AHCYL2: variants seen among roughly 807,000 people sequenced by gnomAD.
AHCYL2 encodes adenosylhomocysteinase like 2, also known as S-adenosylhomocysteine hydrolase-like protein 2.
AHCYL2 carries 28 observed loss-of-function variants against 81.4 expected under a neutral mutation model. The ratio of observed to expected loss-of-function variants is 0.34; its 90% CI spans 0.25 to 0.47. The LOEUF is 0.47. AHCYL2 is among the 20% of genes least tolerant of loss of function. The probability of loss-of-function intolerance (pLI) is 1.00; values close to 1 mark genes in which losing one functional copy is unlikely to be tolerated. For synonymous variants in AHCYL2, 272 were observed against 290.2 expected (o/e 0.94, Z 0.64); for missense variants, 551 against 785.1 (o/e 0.70, Z 3.56).
At chr7:129,412,591 A>T (rs1395013401) in intron 11 of AHCYL2, among the ~76,000 whole-genome samples, 2 of 152,100 alleles carry the variant, frequency 1.3e-5, no homozygotes, top group South Asian at 2.1e-4. Context: ...GGAATTGCCA[A>T]ACTTTTTAAA....
intron 1 of AHCYL2, among the ~76,000 whole-genome samples, chr7:129,327,872 C>G (rs13236035): frequency 6.6e-6 from 1 of 152,160 alleles, no homozygotes; most frequent in Non-Finnish European, 1.5e-5. Flanking sequence ...TTACTCACTG[C>G]AGCCTCAAAC....
At chr7:129,345,811 G>A (rs1287416448) in intron 1 of AHCYL2, among the ~76,000 whole-genome samples, 2 of 152,176 alleles carry the variant, frequency 1.3e-5, no homozygotes, top group East Asian at 3.9e-4. Context: ...TGATCTCAGA[G>A]TGACTTCCAG....
chr7:129,397,202 C>T lies in AHCYL2; in HGVS notation c.721-20C>T. On this transcript the variant is annotated intron_variant, in intron 4 of 16. Transcript: ENST00000325006. ...TGTTTGGCCCAGGCTTGCTCATACC[C>T]TGCTTTGTCTTTAATACAGGTGCTT... 1 of 1,608,008 alleles carries T rather than the reference C, an allele frequency of 6.2e-7. No individual in the cohort carries two copies.
intron 1 of AHCYL2, among the ~76,000 whole-genome samples, chr7:129,237,595 A>G (rs773399073): frequency 4.6e-5 from 7 of 151,754 alleles, no homozygotes; most frequent in Non-Finnish European, 8.8e-5. Context: ...TTATGTTTTG[A>G]CGGAAATTGG....
chr7:129,255,376 T>A (rs1048802072), intron 1 of AHCYL2, among the ~76,000 whole-genome samples: 13 of 152,266 alleles, frequency 8.5e-5, no homozygotes, highest in African/African-American at 3.1e-4. Context: ...TTAAGATATC[T>A]TTTTAATTTT....
chr7:129,235,305 G>A (rs541696879), intron 1 of AHCYL2, among the ~76,000 whole-genome samples: 30 of 151,536 alleles, frequency 2.0e-4, no homozygotes, highest in Non-Finnish European at 3.7e-4. Context: ...AGGCTGGAGT[G>A]CAATAGTATG....
chr7:129,323,823 A>G (rs1306938692), intron 1 of AHCYL2, among the ~76,000 whole-genome samples: 1 of 149,918 alleles, frequency 6.7e-6, no homozygotes, highest in Non-Finnish European at 1.5e-5. Context: ...TCCTGGTGAT[A>G]TTCTTTGTTC....
At chr7:129,350,772 C>T (rs1220172435) in intron 1 of AHCYL2, among the ~76,000 whole-genome samples, 1 of 146,386 alleles carries the variant, frequency 6.8e-6, no homozygotes, top group Admixed American at 6.9e-5. Context: ...CTCAGGCTCT[C>T]AGCTCACTGC....
At chr7:129,282,450 T>A (rs1474028664) in intron 1 of AHCYL2, among the ~76,000 whole-genome samples, 1 of 152,302 alleles carries the variant, frequency 6.6e-6, no homozygotes, top group East Asian at 1.9e-4. Flanking sequence ...TTATTATGTG[T>A]CTTCTAGTTC....
intron 1 of AHCYL2, among the ~76,000 whole-genome samples, chr7:129,328,470 C>T (rs1798305009): frequency 6.6e-6 from 1 of 151,368 alleles, no homozygotes; most frequent in Admixed American, 6.6e-5. Context: ...GCCACTGCGC[C>T]CTTTTTTTGT....
intron 1 of AHCYL2, among the ~76,000 whole-genome samples, chr7:129,301,700 A>T (rs1797261464): frequency 6.6e-6 from 1 of 152,076 alleles, no homozygotes; most frequent in Non-Finnish European, 1.5e-5. Context: ...TGGGTTCTCT[A>T]TTCTGTTCCA....
At chr7:129,300,299 C>T (rs1388109578) in intron 1 of AHCYL2, among the ~76,000 whole-genome samples, 1 of 152,124 alleles carries the variant, frequency 6.6e-6, no homozygotes, top group Non-Finnish European at 1.5e-5. Context: ...TCCTCACTAC[C>T]CTTCCCAACC....
intron 1 of AHCYL2, among the ~76,000 whole-genome samples, chr7:129,274,083 A>G (rs1796111791): frequency 6.6e-6 from 1 of 152,164 alleles, no homozygotes; most frequent in Non-Finnish European, 1.5e-5. Flanking sequence ...TGGCTGTAAT[A>G]GAGGAACTGG....
intron 1 of AHCYL2, among the ~76,000 whole-genome samples, chr7:129,321,650 T>TA (rs1210300474): frequency 6.6e-6 from 1 of 152,094 alleles, no homozygotes; most frequent in Non-Finnish European, 1.5e-5. Flanking sequence ...ATGGTTTTGG[T>TA]ATATGGGTAA....
intron 12 of AHCYL2, among the ~76,000 whole-genome samples, chr7:129,418,210 T>C (rs1796948569): frequency 6.6e-6 from 1 of 152,238 alleles, no homozygotes; most frequent in Admixed American, 6.5e-5. Flanking sequence ...TTAAGGACTT[T>C]AGATTTTATT....
intron 8 of AHCYL2, 88 bp downstream of exon 8, chr7:129,405,301 T>C (rs1584891231): frequency 1.2e-6 from 1 of 855,832 alleles, no homozygotes; most frequent in Non-Finnish European, 1.8e-6. Context: ...AAAGGATTCA[T>C]GTAGCACCTC....
chr7:129,401,766 C>T (rs777514991), intron 6 of AHCYL2, among the ~76,000 whole-genome samples: 4 of 152,088 alleles, frequency 2.6e-5, no homozygotes, highest in African/African-American at 9.7e-5. Flanking sequence ...AAGTCAGGAA[C>T]CCAGGGAGGA....
Position 129,358,846 on chromosome 7 carries a change from G to GA in AHCYL2, c.364-20789dup, listed in dbSNP as rs1328446437. Among the ~76,000 whole-genome samples, 6 of 152,280 alleles carry GA rather than the reference G, an allele frequency of 3.9e-5. No homozygotes were observed. In the East Asian group the frequency reaches 1.2e-3, roughly 29 times the overall value. ...AACCACAGTGTGACACCATTATCTA[G>GA]AAAGGCTAAAATGACAGAGGCCAAG... is the stretch of plus-strand genomic sequence containing the variant. On this transcript the variant is annotated intron_variant, in intron 1 of 16. Transcript: ENST00000325006.
At chr7:129,252,936 C>A (rs939119932) in intron 1 of AHCYL2, among the ~76,000 whole-genome samples, 6 of 150,620 alleles carry the variant, frequency 4.0e-5, no homozygotes, top group Admixed American at 4.0e-4. Flanking sequence ...TAGCCGGGCA[C>A]GGTGGCTCAT....
Sources: allele counts gnomAD v4.1 joint callset (sites outside exome capture counted in the v4.1 genomes callset), GRCh38; gene constraint gnomAD v4.1.1; transcripts MANE v1.5; gene names NCBI Gene and HGNC (gene_info 2026-07-23, HGNC 2026-07-21).